RBP5: variants seen among roughly 807,000 people sequenced by gnomAD.
The protein encoded by RBP5 is retinol binding protein 5, also known as retinol-binding protein 5.
Under a neutral mutation model 17.8 loss-of-function variants are expected in RBP5, and 12 were observed. The ratio of observed to expected loss-of-function variants is 0.67; its 90% CI spans 0.43 to 1.09. The LOEUF (loss-of-function observed/expected upper bound fraction) is 1.09. Ranked by LOEUF, RBP5 falls within the 50% of genes least tolerant of loss-of-function variation. RBP5 has a pLI of 0.00. For missense variants in RBP5, 172 were observed against 169.4 expected (o/e 1.02, Z -0.09); for synonymous variants, 64 against 68.1 (o/e 0.94, Z 0.30).
chr12:7,126,986 G>GT lies in RBP5; in HGVS notation c.252+1253dup, dbSNP rs1398577994. On this transcript the variant is annotated intron_variant, in intron 2 of 3. Transcript: ENST00000266560. ...ATGCCCGGCTAATTTTTGTACTTTT[G>GT]TATTTTTTTTTTTTTTTTTTTTTGA... Among the ~76,000 whole-genome samples, 59 of 85,702 alleles carry GT rather than the reference G, an allele frequency of 6.9e-4. 1 individual carries two copies. The East Asian group carries it at 7.7e-3, about 11-fold the overall frequency. 56.2% of individuals were successfully genotyped at this position (85,702 alleles called of 152,430 possible).
At chr12:7,116,878 GA>G (rs59216291) in exon 4 of RBP5, 26,407 of 152,024 alleles carry the variant, frequency 0.17, 3,007 homozygotes, top group East Asian at 0.44. Context: ...TCAAGGTTGA[GA>G]CTATGTTGCA....
In RBP5 at chr12:7,127,487, A is replaced by G. The variant is rs781434890; in HGVS notation, c.252+753T>C. 1.5e-5 allele frequency: 9 copies of G among 592,786 alleles called. No homozygotes were observed. In the East Asian group the frequency reaches 1.7e-4, roughly 11 times the overall value. 36.7% of individuals were successfully genotyped at this position (592,786 alleles called of 1,614,324 possible). A position where few individuals can be genotyped will look rare whatever the true frequency, so the allele number is the denominator to read the frequency against. On this transcript the variant is annotated intron_variant, in intron 2 of 3. Coordinates refer to ENST00000266560, the MANE Select transcript of RBP5 (RefSeq NM_031491.4). ...ACTTATAATACCTAATGCAATGTAC[A>G]TGCTCTGTAAATAGTTGCTATACTG...
At chr12:7,121,819 T>C (rs1939085676), downstream of RBP5, 1 of 154,966 alleles carries the variant, frequency 6.5e-6, no homozygotes, top group African/African-American at 2.4e-5. Context: ...ATTCCATCCA[T>C]ATGGAAATAA....
chr12:7,119,187 C>G (rs765427580), downstream of RBP5, among the ~76,000 whole-genome samples: 1 of 99,342 alleles, frequency 1.0e-5, no homozygotes, highest in East Asian at 2.8e-4. Flanking sequence ...GATAGCAGTA[C>G]GTACTGTGGG....
Position 7,128,634 on chromosome 12 carries a change from G to C in RBP5, c.73+69C>G. 1 of 1,414,916 alleles carries C rather than the reference G, an allele frequency of 7.1e-7. No individual in the cohort carries two copies. The highest frequency in any genetic ancestry group is 9.8e-7 in the Non-Finnish European group (1 of 1,022,218). The allele number at this position is 1,414,916 out of a possible 1,614,324, so 87.6% of individuals were successfully genotyped here. ...ACCCCGGGCATTCCCTCTTCTCCATGGGACCAAGAAGCAGGAAGGAAGAGG... is the reference window on the plus strand; with the variant it reads ...ACCCCGGGCATTCCCTCTTCTCCATCGGACCAAGAAGCAGGAAGGAAGAGG... On this transcript the variant is annotated intron_variant, in intron 1 of 3. Coordinates refer to ENST00000266560, the MANE Select transcript of RBP5 (RefSeq NM_031491.4). This position sits in a 1 kb window ranked among gnomAD's most constrained non-coding sequence, Gnocchi z 5.3.
rs1209882857 is a variant in RBP5, at chr12:7,124,827, C to A, written c.253-97G>T. The A allele has an allele frequency of 6.9e-6, 5 of 722,154 alleles. No homozygotes were observed. Among genetic ancestry groups the A allele is most frequent in the South Asian group, 1.6e-5 (1 of 62,012 alleles). The allele number at this position is 722,154 out of a possible 1,614,324, so 44.7% of individuals were successfully genotyped here. ...ATGGGCTCCCCCTTTTACTCCACAG[C>A]AGATACTGTCTGCTGCAGCCCCTCC... On this transcript the variant is annotated intron_variant, in intron 2 of 3. Coordinates refer to ENST00000266560, the MANE Select transcript of RBP5 (RefSeq NM_031491.4). The surrounding 1 kb of genome is among the most constrained non-coding windows in gnomAD (Gnocchi z 5.3).
chr12:7,124,711 T>G lies in RBP5; in HGVS notation c.272A>C (p.Glu91Ala), dbSNP rs766502793. 6.2e-7 allele frequency: 1 copy of G among 1,604,386 alleles called. No homozygotes were observed. The highest frequency in any genetic ancestry group is 8.5e-7 in the Non-Finnish European group (1 of 1,172,676). The change falls in exon 3 of 4, where the codon GAG (glutamate) becomes GCG (alanine). Residue 91 changes from glutamate to alanine, a missense_variant. Coordinates refer to ENST00000266560, the MANE Select transcript of RBP5 (RefSeq NM_031491.4). This position sits in a 1 kb window ranked among gnomAD's most constrained non-coding sequence, Gnocchi z 5.3. ...TTTCTGCACACACACCAGGTGCTCC[T>G]CCTCCCAGGTTACTATGGTCTATAG... The part of the protein sequence containing the change: ...RKCQTIVTWE[E>A]EHLVCVQKGE...
chr12:7,126,516 T>TG (rs1565645348), intron 2 of RBP5, among the ~76,000 whole-genome samples: 764 of 92,466 alleles, frequency 8.3e-3, no homozygotes, highest in Middle Eastern at 0.02. Context: ...TGGTGGTGTG[T>TG]GTGTGTGTGT....
chr12:7,125,758 T>C (rs542206090), intron 2 of RBP5, among the ~76,000 whole-genome samples: 6 of 151,740 alleles, frequency 4.0e-5, no homozygotes, highest in African/African-American at 9.7e-5. Context: ...TAACCTAGAG[T>C]ATATGTGGTG....
chr12:7,118,111 C>T (rs1370206512), intron 3 of RBP5: 6 of 152,206 alleles, frequency 3.9e-5, no homozygotes, highest in Non-Finnish European at 8.8e-5. Flanking sequence ...CACCTTGTCC[C>T]ACCTGTGCTT....
At chr12:7,119,346 G>T (rs967800628), downstream of RBP5, among the ~76,000 whole-genome samples, 1 of 151,688 alleles carries the variant, frequency 6.6e-6, no homozygotes, top group East Asian at 1.9e-4. Flanking sequence ...GGGTGGGAAG[G>T]CTAGAGTGGC....
Position 7,117,645 on chromosome 12 carries a change from A to G in RBP5, n.890-338T>C, listed in dbSNP as rs989573306. ...AGGTAGGGCTTTGGGAAGACAGCAT[A>G]GGTTTCAAAAGAACCAAGAAGCTGT... On this transcript the variant is annotated intron_variant and non_coding_transcript_variant, in intron 3 of 3. Coordinates refer to the RBP5 transcript ENST00000619522. The surrounding 1 kb of genome is among the most constrained non-coding windows in gnomAD (Gnocchi z 4.9). 1 of 152,290 alleles carries G rather than the reference A, an allele frequency of 6.6e-6. No individual in the cohort carries two copies. The highest frequency in any genetic ancestry group is 1.9e-4 in the East Asian group (1 of 5,166). 9.4% of individuals were successfully genotyped at this position (152,290 alleles called of 1,614,324 possible). A position where few individuals can be genotyped will look rare whatever the true frequency, so the allele number is the denominator to read the frequency against.
At chr12:7,120,730 T>C (rs1939069378), downstream of RBP5, 1 of 154,758 alleles carries the variant, frequency 6.5e-6, no homozygotes, top group South Asian at 2.0e-4. Flanking sequence ...TTGGGGGTTA[T>C]GAAAGTGGCC....
At chr12:7,126,513 GTGTGTGTGTGT>G (rs869093452) in intron 2 of RBP5, among the ~76,000 whole-genome samples, 9,460 of 121,286 alleles carry the variant, frequency 0.078, 959 homozygotes, top group African/African-American at 0.25. Context: ...TGGTGGTGGT[GTGTGTGTGTGT>G]GTGTGTGTGT....
chr12:7,124,129 C>A lies in RBP5; in HGVS notation c.400G>T (p.Val134Phe), dbSNP rs769198964. 1 of 1,613,964 alleles carries A rather than the reference C, an allele frequency of 6.2e-7. No homozygotes were observed. Among genetic ancestry groups the A allele is most frequent in the Admixed American group, 1.7e-5 (1 of 60,000 alleles). The stretch of plus-strand genomic sequence containing the variant: ...TCTTGGCTCCTCTCCGGCTATCTGA[C>A]CTTCCTGAAGACCTGCTCGCACACT... Reference protein sequence around the residue: ...DAVCEQVFRKVR With the variant: ...DAVCEQVFRKFR Residue 134 changes from valine (V) to phenylalanine (F), a missense_variant, in exon 4 of 4, where the codon GTC (valine) becomes TTC (phenylalanine). By Grantham distance (50) the Val-to-Phe change is conservative. Transcript: ENST00000266560. This position sits in a 1 kb window ranked among gnomAD's most constrained non-coding sequence, Gnocchi z 5.3.
intron 2 of RBP5, among the ~76,000 whole-genome samples, chr12:7,126,734 C>G (rs1349878463): frequency 6.6e-6 from 1 of 152,022 alleles, no homozygotes; most frequent in Admixed American, 6.6e-5. Flanking sequence ...GTTCCAGGAC[C>G]CCCACCTCAC....
chr12:7,120,150 C>T (rs927362253), downstream of RBP5, among the ~76,000 whole-genome samples: 1 of 152,068 alleles, frequency 6.6e-6, no homozygotes, highest in Non-Finnish European at 1.5e-5. Context: ...AGGAGGCTCA[C>T]CCCCAGCTAG....
Position 7,124,855 on chromosome 12 carries a change from T to C in RBP5, c.253-125A>G. 1 of 626,352 alleles carries C rather than the reference T, an allele frequency of 1.6e-6. No individual in the cohort carries two copies. 38.8% of individuals were successfully genotyped at this position (626,352 alleles called of 1,614,324 possible). A position where few individuals can be genotyped will look rare whatever the true frequency, so the allele number is the denominator to read the frequency against. On this transcript the variant is annotated intron_variant, in intron 2 of 3. Transcript: ENST00000266560. The surrounding 1 kb of genome is among the most constrained non-coding windows in gnomAD (Gnocchi z 5.3). ...ATACTGTCTGCTGCAGCCCCTCCAC[T>C]GAGCGAGGGAGCTGCTCTGATTCAG... is the stretch of plus-strand genomic sequence containing the variant.
At chr12:7,126,517 GTGTGTGTGTGTGTGT>G (rs1939166612) in intron 2 of RBP5, among the ~76,000 whole-genome samples, 11 of 88,376 alleles carry the variant, frequency 1.2e-4, no homozygotes, top group Non-Finnish European at 2.7e-4. Flanking sequence ...GGTGGTGTGT[GTGTGTGTGTGTGTGT>G]GTGTGTGTGT....
Sources: gnomAD v4.1 joint callset for allele counts (sites outside exome capture counted in the v4.1 genomes callset) on GRCh38, gnomAD v4.1.1 for gene constraint, Gnocchi (gnomAD v3.1) non-coding constraint, MANE v1.5 for transcripts, NCBI Gene and HGNC (gene_info 2026-07-23, HGNC 2026-07-21) for gene names.